PTPN4: variants seen among roughly 807,000 people sequenced by gnomAD.
PTPN4 encodes the protein protein tyrosine phosphatase non-receptor type 4, also known as tyrosine-protein phosphatase non-receptor type 4.
A neutral mutation model predicts 135.5 loss-of-function variants in PTPN4; 49 were observed. The observed-to-expected ratio is 0.36, with a 90% CI of 0.29 to 0.46. The LOEUF (loss-of-function observed/expected upper bound fraction) is 0.46. Ranked by LOEUF, PTPN4 falls within the 20% of genes least tolerant of loss-of-function variation. The pLI is 1.00. For missense variants in PTPN4, 860 were observed against 1,101.0 expected (o/e 0.78, Z 3.10); for synonymous variants, 333 against 369.9 (o/e 0.90, Z 1.14).
Position 119,979,272 on chromosome 2 carries a change from T to C in PTPN4, c.*2202T>C, listed in dbSNP as rs941508575. On this transcript the variant is annotated 3_prime_UTR_variant, in exon 27 of 27. Coordinates refer to ENST00000263708, the MANE Select transcript of PTPN4 (RefSeq NM_002830.4). ...AGACCAAAAGATATCATTGTATAGATGTAAAGAGACAAAAGTCATGGTTGG... is the reference window on the plus strand; with the variant it reads ...AGACCAAAAGATATCATTGTATAGACGTAAAGAGACAAAAGTCATGGTTGG... 6.6e-6 allele frequency: 1 copy of C among 152,154 alleles called. No individual in the cohort carries two copies. The highest frequency in any genetic ancestry group is 1.5e-5 in the Non-Finnish European group (1 of 67,982). The allele number at this position is 152,154 out of a possible 1,614,324, so 9.4% of individuals were successfully genotyped here. A position where few individuals can be genotyped will look rare whatever the true frequency, so the allele number is the denominator to read the frequency against.
At chr2:119,950,165 TG>T (rs1470269979) in intron 18 of PTPN4, among the ~76,000 whole-genome samples, 4 of 152,214 alleles carry the variant, frequency 2.6e-5, no homozygotes, top group Non-Finnish European at 5.9e-5. Context: ...GGAAAAGCTC[TG>T]TCTGCTATAG....
In PTPN4 at chr2:119,920,079, G is replaced by C. The variant is rs757719225; in HGVS notation, c.839G>C (p.Arg280Thr). 116 of 1,606,946 alleles carry C rather than the reference G, an allele frequency of 7.2e-5. No homozygotes were observed. The highest frequency in any genetic ancestry group is 9.7e-5 in the Non-Finnish European group (114 of 1,177,654). Residue 280 changes from arginine to threonine, a missense_variant, in exon 12 of 27, where the codon AGA (arginine) becomes ACA (threonine). By Grantham distance (71) the Arg-to-Thr change is moderately conservative. Coordinates refer to ENST00000263708, the MANE Select transcript of PTPN4 (RefSeq NM_002830.4). ...IQLRKELHESRETLLGFNMVN... is the reference protein window; with the variant it reads ...IQLRKELHESTETLLGFNMVN... ...TGTCATTTATTACAGCATGAATCTA[G>C]AGAAACATTATTGGGATTTAATATG...
At chr2:119,872,487 C>T (rs1380852910) in intron 3 of PTPN4, among the ~76,000 whole-genome samples, 1 of 152,140 alleles carries the variant, frequency 6.6e-6, no homozygotes, top group Non-Finnish European at 1.5e-5. Context: ...GGCATAAATA[C>T]TTTCTCTTCC....
intron 14 of PTPN4, among the ~76,000 whole-genome samples, chr2:119,933,662 C>CAAA (rs34318106): frequency 1.2e-5 from 1 of 80,328 alleles, no homozygotes. Context: ...GACCCTGTCT[C>CAAA]AAAAAAAAAA....
chr2:119,813,637 A>AATGTTACTTTTTCCATGTT (rs1676936158), intron 2 of PTPN4, among the ~76,000 whole-genome samples: 1 of 152,100 alleles, frequency 6.6e-6, no homozygotes, highest in African/African-American at 2.4e-5. Context: ...GAAGCCATGT[A>AATGTTACTTTTTCCATGTT]ATGTTACTTT....
At chr2:119,917,199 A>G (rs912099870) in intron 11 of PTPN4, among the ~76,000 whole-genome samples, 1 of 152,184 alleles carries the variant, frequency 6.6e-6, no homozygotes, top group African/African-American at 2.4e-5. Flanking sequence ...AGTCATTTTC[A>G]TATCACTGAA....
intron 12 of PTPN4, among the ~76,000 whole-genome samples, chr2:119,924,290 T>C (rs1356460507): frequency 6.6e-6 from 1 of 152,088 alleles, no homozygotes; most frequent in Non-Finnish European, 1.5e-5. Context: ...TTTTTATCTT[T>C]TATTTCACTG....
chr2:119,886,644 A>C (rs938142340), intron 9 of PTPN4, among the ~76,000 whole-genome samples: 1 of 152,232 alleles, frequency 6.6e-6, no homozygotes, highest in Admixed American at 6.5e-5. Context: ...CCTAAAAAGG[A>C]TATCAACCTG....
intron 3 of PTPN4, among the ~76,000 whole-genome samples, chr2:119,876,580 G>A (rs1056550023): frequency 1.3e-5 from 2 of 151,992 alleles, no homozygotes; most frequent in Non-Finnish European, 2.9e-5. Context: ...ACCACATCTA[G>A]TACCTCATTT....
intron 3 of PTPN4, among the ~76,000 whole-genome samples, chr2:119,874,664 GT>G (rs1433393137): frequency 6.6e-6 from 1 of 152,164 alleles, no homozygotes; most frequent in Non-Finnish European, 1.5e-5. Context: ...ACCTTTGAGG[GT>G]GATGGAAATA....
At chr2:119,926,794 C>A in intron 13 of PTPN4, 128 bp downstream of exon 13, 1 of 667,798 alleles carries the variant, frequency 1.5e-6, no homozygotes, top group Non-Finnish European at 2.5e-6. Context: ...AGAATTATCA[C>A]AATTCTTTAA....
rs998830673 is a variant in PTPN4 at position 119,786,219 on chromosome 2, G to T, written c.-17-23618G>T. Among the ~76,000 whole-genome samples, 3 of 152,106 alleles carry T rather than the reference G, an allele frequency of 2.0e-5. No individual in the cohort carries two copies. In the East Asian group the frequency reaches 5.8e-4, roughly 29 times the overall value. On this transcript the variant is annotated intron_variant, in intron 1 of 26. Transcript: ENST00000263708. ...TATTAGTATTTTATAACAGTTGAGA[G>T]ATACTTCACCTTCTGCTTAATAATG...
chr2:119,975,994 TA>T (rs1480247865), intron 26 of PTPN4, among the ~76,000 whole-genome samples: 2,028 of 102,086 alleles, frequency 0.02, 23 homozygotes, highest in African/African-American at 0.048. Flanking sequence ...TTTATTTATT[TA>T]TTTATTTTTT....
At chr2:119,946,675 TTTTA>T in intron 18 of PTPN4, 101 bp downstream of exon 18, 1 of 983,362 alleles carries the variant, frequency 1.0e-6, no homozygotes, top group Non-Finnish European at 1.5e-6. Flanking sequence ...TCATCATTTC[TTTTA>T]TTTATCAAGT....
intron 1 of PTPN4, among the ~76,000 whole-genome samples, chr2:119,787,119 G>T (rs537700596): frequency 6.6e-6 from 1 of 152,248 alleles, no homozygotes; most frequent in East Asian, 1.9e-4. Flanking sequence ...GTGCATGGTG[G>T]TTCTGTTTTT....
In PTPN4 at chr2:119,760,403, C is replaced by G; in HGVS notation, c.-18+19C>G. 1 of 387,604 alleles carries G rather than the reference C, an allele frequency of 2.6e-6. No individual in the cohort carries two copies. The highest frequency in any genetic ancestry group is 1.4e-4 in the South Asian group (1 of 6,940). The allele number at this position is 387,604 out of a possible 1,614,324, so 24.0% of individuals were successfully genotyped here. A position where few individuals can be genotyped will look rare whatever the true frequency, so the allele number is the denominator to read the frequency against. On this transcript the variant is annotated intron_variant, in intron 1 of 26. Transcript: ENST00000263708. ...TACGAAGGTAAGAGGTTCTCCGGTCCCCGCCGGCCTCTCGGCCCTGCACGT... is the reference window on the plus strand; with the variant it reads ...TACGAAGGTAAGAGGTTCTCCGGTCGCCGCCGGCCTCTCGGCCCTGCACGT...
intron 2 of PTPN4, among the ~76,000 whole-genome samples, chr2:119,851,254 G>A (rs920287673): frequency 6.6e-6 from 1 of 152,150 alleles, no homozygotes; most frequent in Non-Finnish European, 1.5e-5. Context: ...ATCCTTACAG[G>A]TCTGCAGCAA....
intron 2 of PTPN4, among the ~76,000 whole-genome samples, chr2:119,836,460 G>T (rs1226835451): frequency 3.9e-5 from 6 of 152,242 alleles, no homozygotes; most frequent in African/African-American, 1.4e-4. Flanking sequence ...GATGGCAGTG[G>T]CAGCCTGTCT....
rs528790954 is a variant in PTPN4 at position 119,969,587 on chromosome 2, C to CT, written c.2694+1616dup. 1.5e-4 allele frequency among the ~76,000 whole-genome samples: 17 copies of CT among 112,468 alleles called. No homozygotes were observed. The East Asian group carries it at 5.4e-3, about 36-fold the overall frequency. 73.8% of individuals were successfully genotyped at this position (112,468 alleles called of 152,430 possible). A position where few individuals can be genotyped will look rare whatever the true frequency, so the allele number is the denominator to read the frequency against. On this transcript the variant is annotated intron_variant, in intron 26 of 26. Coordinates refer to ENST00000263708, the MANE Select transcript of PTPN4 (RefSeq NM_002830.4). ...TTTTTTTTTTTTTTTGAGACGGAGTCTCGCTTTGTCGCCCAGGCTGGAGTG... is the reference window on the plus strand; with the variant it reads ...TTTTTTTTTTTTTTTGAGACGGAGTCTTCGCTTTGTCGCCCAGGCTGGAGTG...
Sources: gnomAD v4.1 joint callset for allele counts (sites outside exome capture counted in the v4.1 genomes callset) on GRCh38, gnomAD v4.1.1 for gene constraint, MANE v1.5 for transcripts, NCBI Gene and HGNC (gene_info 2026-07-23, HGNC 2026-07-21) for gene names.